Variants in OR51B5 observed in about 807,000 individuals in gnomAD.
OR51B5 encodes olfactory receptor family 51 subfamily B member 5.
For synonymous variants in OR51B5, 186 were observed against 144.8 expected (o/e 1.28, Z -2.04); for missense variants, 456 against 374.6 (o/e 1.22, Z -1.79).
At chr11:5,470,120 G>A (rs550356019) in intron 1 of OR51B5, among the ~76,000 whole-genome samples, 19 of 152,238 alleles carry the variant, frequency 1.2e-4, no homozygotes, top group Admixed American at 5.9e-4. Context: ...ATTTTAAGAA[G>A]CATTAAAATA....
At chr11:5,440,689 C>G in intron 1 of OR51B5, 1 of 1,613,910 alleles carries the variant, frequency 6.2e-7, no homozygotes, top group South Asian at 1.1e-5. Context: ...GACATCATGA[C>G]ATGAACAACA....
At chr11:5,397,849 C>A (rs1849902713) in intron 1 of OR51B5, among the ~76,000 whole-genome samples, 1 of 150,670 alleles carries the variant, frequency 6.6e-6, no homozygotes, top group Non-Finnish European at 1.5e-5. Context: ...GGCACATATA[C>A]ACCATGGAAT....
chr11:5,453,779 T>C (rs749144584), intron 1 of OR51B5: 2 of 1,614,178 alleles, frequency 1.2e-6, no homozygotes, highest in Non-Finnish European at 8.5e-7. Context: ...TTGATGCCTG[T>C]CTAATTCAGA....
chr11:5,450,973 TTTAAA>T (rs1266454346), intron 1 of OR51B5, among the ~76,000 whole-genome samples: 1 of 152,180 alleles, frequency 6.6e-6, no homozygotes, highest in Non-Finnish European at 1.5e-5. Flanking sequence ...CTTAAAAGTC[TTTAAA>T]TTAATGTTTT....
intron 1 of OR51B5, among the ~76,000 whole-genome samples, chr11:5,386,352 A>G (rs1465893671): frequency 6.6e-6 from 1 of 152,158 alleles, no homozygotes; most frequent in African/African-American, 2.4e-5. Flanking sequence ...ATAGAGAGAC[A>G]AAGGTTCATA....
intron 1 of OR51B5, among the ~76,000 whole-genome samples, chr11:5,432,001 G>C (rs1850541092): frequency 6.6e-6 from 1 of 152,192 alleles, no homozygotes; most frequent in Admixed American, 6.5e-5. Context: ...ATCACCTTGA[G>C]TGCTTATTAC....
intron 1 of OR51B5, chr11:5,422,447 G>C (rs1006473131): frequency 6.2e-7 from 1 of 1,614,160 alleles, no homozygotes; most frequent in South Asian, 1.1e-5. Context: ...CCTACCCACA[G>C]TCATGCAGCT....
chr11:5,390,299 C>T, intron 1 of OR51B5: 1 of 1,613,544 alleles, frequency 6.2e-7, no homozygotes, highest in Non-Finnish European at 8.5e-7. Flanking sequence ...CATGCTTAAC[C>T]CAATCATATA....
At chr11:5,373,180 T>C (rs201533677) in intron 1 of OR51B5, among the ~76,000 whole-genome samples, 1 of 138,674 alleles carries the variant, frequency 7.2e-6, no homozygotes, top group East Asian at 2.1e-4. Flanking sequence ...ATTAAAGACA[T>C]AAATGTAAGA....
intron 1 of OR51B5, among the ~76,000 whole-genome samples, chr11:5,399,257 G>A (rs993320466): frequency 6.6e-6 from 1 of 152,114 alleles, no homozygotes; most frequent in African/African-American, 2.4e-5. Flanking sequence ...CACAGATGTG[G>A]TCTGAGTATC....
rs755657049 is a variant in OR51B5 at position 5,441,179 on chromosome 11, C to T, written n.84+64390G>A. Reference sequence around the variant, plus strand: ...TCATGGCCAGCAGTATGCCTGACTCCATGAAGGAGAAAGTGTGGATGAAGA... The same window carrying T: ...TCATGGCCAGCAGTATGCCTGACTCTATGAAGGAGAAAGTGTGGATGAAGA... On this transcript the variant is annotated intron_variant and non_coding_transcript_variant, in intron 1 of 4. Transcript: ENST00000415970. 53 of 1,613,828 alleles carry T rather than the reference C, an allele frequency of 3.3e-5. No homozygotes were observed. The highest frequency in any genetic ancestry group is 1.2e-4 in the African/African-American group (9 of 74,896).
intron 1 of OR51B5, among the ~76,000 whole-genome samples, chr11:5,369,238 A>T (rs1849416384): frequency 6.6e-6 from 1 of 151,636 alleles, no homozygotes; most frequent in Non-Finnish European, 1.5e-5. Flanking sequence ...GTACTGAATG[A>T]GGCCAACATG....
chr11:5,462,538 G>A (rs1184056631), intron 1 of OR51B5, among the ~76,000 whole-genome samples: 4 of 152,164 alleles, frequency 2.6e-5, no homozygotes, highest in Non-Finnish European at 5.9e-5. Context: ...TGCTCTTGTG[G>A]TTATAGTTCA....
At chr11:5,375,240 A>G (rs1849506471) in intron 1 of OR51B5, among the ~76,000 whole-genome samples, 1 of 149,842 alleles carries the variant, frequency 6.7e-6, no homozygotes. Flanking sequence ...ACTAAGCTTC[A>G]TAAGTGAAGG....
chr11:5,371,350 C>T (rs2133707119), intron 1 of OR51B5, among the ~76,000 whole-genome samples: 1 of 152,126 alleles, frequency 6.6e-6, no homozygotes, highest in African/African-American at 2.4e-5. Context: ...GGCTCATAAA[C>T]ATTTAATAGA....
chr11:5,401,740 A>G (rs989772666), intron 1 of OR51B5, among the ~76,000 whole-genome samples: 9 of 136,934 alleles, frequency 6.6e-5, no homozygotes, highest in African/African-American at 2.3e-4. Context: ...ACATCTCCAC[A>G]CCAACTCAAG....
At chr11:5,397,113 C>A (rs1849886632) in intron 1 of OR51B5, among the ~76,000 whole-genome samples, 1 of 152,156 alleles carries the variant, frequency 6.6e-6, no homozygotes, top group African/African-American at 2.4e-5. Flanking sequence ...AGAAGAAAAC[C>A]TAAGCAATAC....
intron 1 of OR51B5, among the ~76,000 whole-genome samples, chr11:5,398,704 G>A (rs2340329): frequency 0.54 from 60,025 of 110,432 alleles, 13,155 homozygotes; most frequent in Non-Finnish European, 0.65. Flanking sequence ...TGCAGTTCTC[G>A]TGATACTGAG....
At chr11:5,395,278 G>C (rs1377911660) in intron 1 of OR51B5, among the ~76,000 whole-genome samples, 1 of 152,208 alleles carries the variant, frequency 6.6e-6, no homozygotes, top group African/African-American at 2.4e-5. Context: ...GAGTCAAATG[G>C]AAGATGCTGG....
Sources: allele counts gnomAD v4.1 joint callset (sites outside exome capture counted in the v4.1 genomes callset), GRCh38; gene constraint gnomAD v4.1.1; transcripts MANE v1.5; gene names NCBI Gene and HGNC (gene_info 2026-07-23, HGNC 2026-07-21).